Variants in NAV2 observed in about 807,000 individuals in gnomAD.
NAV2 encodes neuron navigator 2.
A neutral mutation model predicts 223.2 loss-of-function variants in NAV2; 54 were observed. The observed-to-expected ratio is 0.24, with a 90% CI of 0.19 to 0.30. NAV2 has a LOEUF of 0.30. Ranked by LOEUF, NAV2 falls within the 10% of genes least tolerant of loss-of-function variation. NAV2 has a pLI of 1.00. For synonymous variants in NAV2, 1,279 were observed against 1,239.3 expected (o/e 1.03, Z -0.67); for missense variants, 2,806 against 3,147.5 (o/e 0.89, Z 2.60).
At chr11:19,991,028 A>G (rs1280103879) in intron 11 of NAV2, among the ~76,000 whole-genome samples, 1 of 152,250 alleles carries the variant, frequency 6.6e-6, no homozygotes, top group Non-Finnish European at 1.5e-5. Flanking sequence ...AAATGAGGGC[A>G]GTATTCATAC....
At chr11:19,627,537 C>T (rs1302251212) in intron 1 of NAV2, among the ~76,000 whole-genome samples, 1 of 152,038 alleles carries the variant, frequency 6.6e-6, no homozygotes, top group African/African-American at 2.4e-5. Context: ...CTCATCAGTC[C>T]CAGCAAAGAG....
intron 1 of NAV2, among the ~76,000 whole-genome samples, chr11:19,366,163 G>A (rs1848272167): frequency 1.3e-5 from 2 of 152,192 alleles, no homozygotes; most frequent in Non-Finnish European, 2.9e-5. Context: ...CCAGCATGAT[G>A]GGCCCAGCTG....
intron 1 of NAV2, among the ~76,000 whole-genome samples, chr11:19,663,601 T>A (rs1441497244): frequency 6.6e-6 from 1 of 152,198 alleles, no homozygotes; most frequent in East Asian, 1.9e-4. Flanking sequence ...CCTCACACCA[T>A]CCTAGTGGCA....
At chr11:20,097,407 C>G (rs562229992) in intron 30 of NAV2, among the ~76,000 whole-genome samples, 170 bp from the exon 31 acceptor site, 11 of 152,218 alleles carry the variant, frequency 7.2e-5, no homozygotes, top group African/African-American at 2.4e-4. Flanking sequence ...GGTACTCGGG[C>G]TTTATCCCCT....
At chr11:19,583,229 T>C (rs994304713) in intron 1 of NAV2, among the ~76,000 whole-genome samples, 1 of 152,224 alleles carries the variant, frequency 6.6e-6, no homozygotes, top group Non-Finnish European at 1.5e-5. Context: ...ATTGATTTTG[T>C]ATCCTGAGAC....
rs1241356797 is a variant in NAV2 at position 19,832,753 on chromosome 11, T to C, written c.385+152T>C. Reference sequence around the variant, plus strand: ...TTTGATTTGTGTTTTGACTAAGTTGTGTGAGTACCAGCTTGATTTTATGCT... The same window carrying C: ...TTTGATTTGTGTTTTGACTAAGTTGCGTGAGTACCAGCTTGATTTTATGCT... On this transcript the variant is annotated intron_variant, in intron 2 of 37. Transcript: ENST00000349880. The C allele has an allele frequency of 3.3e-5, 23 of 695,688 alleles. 1 individual carries two copies. Among genetic ancestry groups the C allele is most frequent in the African/African-American group, 5.3e-5 (3 of 56,324 alleles). The allele number at this position is 695,688 out of a possible 1,614,324, so 43.1% of individuals were successfully genotyped here.
At chr11:19,537,944 C>T (rs771786364) in intron 1 of NAV2, among the ~76,000 whole-genome samples, 4 of 152,190 alleles carry the variant, frequency 2.6e-5, no homozygotes, top group Non-Finnish European at 5.9e-5. Context: ...ATGCATTTTG[C>T]AGGGAAAGCA....
intron 1 of NAV2, among the ~76,000 whole-genome samples, chr11:19,472,165 C>T (rs912700972): frequency 6.6e-6 from 1 of 152,108 alleles, no homozygotes; most frequent in African/African-American, 2.4e-5. Context: ...TCTGCAATCC[C>T]TTTCAGTTCA....
chr11:19,804,884 T>G (rs559516583), intron 1 of NAV2, among the ~76,000 whole-genome samples: 2 of 152,292 alleles, frequency 1.3e-5, no homozygotes, highest in South Asian at 4.1e-4. Context: ...GATCCCAGTT[T>G]ATGAAGACTG....
chr11:19,377,790 G>A (rs1005008603), intron 1 of NAV2, among the ~76,000 whole-genome samples: 3 of 152,194 alleles, frequency 2.0e-5, no homozygotes, highest in African/African-American at 7.2e-5. Flanking sequence ...GCTTCCCAGG[G>A]CAAAGGTTCT....
chr11:19,511,988 C>T (rs1049183869), intron 1 of NAV2, among the ~76,000 whole-genome samples: 12 of 152,260 alleles, frequency 7.9e-5, no homozygotes, highest in Admixed American at 6.5e-4. Context: ...ATTCTGGGGG[C>T]TGTGGCCAGA....
At chr11:19,723,537 G>C (rs1288817650) in intron 1 of NAV2, among the ~76,000 whole-genome samples, 1 of 152,188 alleles carries the variant, frequency 6.6e-6, no homozygotes, top group African/African-American at 2.4e-5. Flanking sequence ...CCTCTTCTTG[G>C]AGCCTACTCC....
chr11:19,644,156 C>T (rs911235200), intron 1 of NAV2, among the ~76,000 whole-genome samples: 5 of 152,132 alleles, frequency 3.3e-5, no homozygotes, highest in Non-Finnish European at 7.4e-5. Flanking sequence ...ACAGCAGAAG[C>T]ATGTATGGTT....
chr11:19,770,283 AC>A (rs2055604666), intron 1 of NAV2, among the ~76,000 whole-genome samples: 1 of 151,650 alleles, frequency 6.6e-6, no homozygotes, highest in East Asian at 1.9e-4. Context: ...ACCTTAATGA[AC>A]CCCTAGCCCA....
chr11:20,087,104 G>C (rs1273185466), intron 26 of NAV2, among the ~76,000 whole-genome samples: 1 of 152,170 alleles, frequency 6.6e-6, no homozygotes, highest in Non-Finnish European at 1.5e-5. Flanking sequence ...AGTTACAGCT[G>C]CCGGCCAGCA....
intron 1 of NAV2, among the ~76,000 whole-genome samples, chr11:19,452,601 A>G (rs1249860473): frequency 6.6e-6 from 1 of 152,186 alleles, no homozygotes; most frequent in Non-Finnish European, 1.5e-5. Context: ...ATGTTAATAC[A>G]CCTATGCTGC....
intron 25 of NAV2, among the ~76,000 whole-genome samples, chr11:20,082,248 C>G (rs2060138397): frequency 6.6e-6 from 1 of 152,110 alleles, no homozygotes; most frequent in Non-Finnish European, 1.5e-5. Context: ...CCAACCTCCC[C>G]CAAAATTTAA....
chr11:20,078,167 C>T, intron 24 of NAV2, 63 bp downstream of exon 24: 1 of 1,140,896 alleles, frequency 8.8e-7, no homozygotes, highest in East Asian at 2.5e-5. Flanking sequence ...CCTCCCCTGA[C>T]ATCATATGAT....
chr11:19,634,674 C>A (rs1318616859), intron 1 of NAV2, among the ~76,000 whole-genome samples: 1 of 152,148 alleles, frequency 6.6e-6, no homozygotes, highest in African/African-American at 2.4e-5. Context: ...CAGCCCCTGT[C>A]CAGTGTCTAG....
Sources: allele counts gnomAD v4.1 joint callset (sites outside exome capture counted in the v4.1 genomes callset), GRCh38; gene constraint gnomAD v4.1.1; transcripts MANE v1.5; gene names NCBI Gene and HGNC (gene_info 2026-07-23, HGNC 2026-07-21).